The following AKR1C2 variants were observed in gnomAD, a reference collection of about 807,000 sequenced individuals.
AKR1C2 encodes the protein 3-alpha-HSD3.
Under a neutral mutation model 39.8 loss-of-function variants are expected in AKR1C2, and 27 were observed. The observed-to-expected ratio is 0.68, with a 90% CI of 0.50 to 0.93. The LOEUF (loss-of-function observed/expected upper bound fraction) is 0.93. Among genes scored for constraint, AKR1C2 ranks in the 40% least tolerant of loss-of-function variants. The probability of loss-of-function intolerance (pLI) is 0.00; values close to 1 mark genes in which losing one functional copy is unlikely to be tolerated. For missense variants in AKR1C2, 263 were observed against 365.1 expected (o/e 0.72, Z 2.28); for synonymous variants, 114 against 137.9 (o/e 0.83, Z 1.22).
intron 5 of AKR1C2, among the ~76,000 whole-genome samples, chr10:4,997,563 T>C (rs1837101744): frequency 6.6e-6 from 1 of 152,000 alleles, no homozygotes; most frequent in South Asian, 2.1e-4. Flanking sequence ...CCATATAACA[T>C]TGCAAAATGT....
At chr10:5,016,610 A>T (rs1837644765) in intron 1 of AKR1C2, among the ~76,000 whole-genome samples, 1 of 152,208 alleles carries the variant, frequency 6.6e-6, no homozygotes, top group South Asian at 2.1e-4. Context: ...GAGTGTCTGC[A>T]GCTTTTCCAG....
chr10:5,010,494 T>G (rs1409155246), intron 1 of AKR1C2: 1 of 152,058 alleles, frequency 6.6e-6, no homozygotes, highest in African/African-American at 2.4e-5. Flanking sequence ...CTGCAGCAAT[T>G]TGAGAACTCC....
At chr10:5,011,939 G>T (rs182635707) in intron 1 of AKR1C2, among the ~76,000 whole-genome samples, 2 of 152,184 alleles carry the variant, frequency 1.3e-5, no homozygotes, top group African/African-American at 4.8e-5. Flanking sequence ...GGAAGTAGTT[G>T]CCTGAAGTAT....
intron 5 of AKR1C2, among the ~76,000 whole-genome samples, chr10:4,997,906 A>AG (rs1554773294): frequency 6.6e-6 from 1 of 152,334 alleles, no homozygotes; most frequent in East Asian, 1.9e-4. Context: ...AGGCTATGAA[A>AG]GAACCATGCA....
intron 1 of AKR1C2, chr10:5,010,520 A>C (rs1360037657): frequency 6.6e-6 from 1 of 152,130 alleles, no homozygotes; most frequent in Non-Finnish European, 1.5e-5. Context: ...CAACAGGACA[A>C]GAGCCACTTG....
At chr10:5,000,816 C>T (rs1347453803) in intron 2 of AKR1C2, 150 bp from the exon 3 acceptor site, 5 of 670,074 alleles carry the variant, frequency 7.5e-6, no homozygotes, top group Admixed American at 5.5e-5. Flanking sequence ...GCCTTTTGTT[C>T]TGCCATATCA....
chr10:4,993,752 AATAC>A (rs1836920831), intron 7 of AKR1C2, among the ~76,000 whole-genome samples: 2 of 151,744 alleles, frequency 1.3e-5, no homozygotes, highest in Admixed American at 1.3e-4. Flanking sequence ...ATCCAGAATA[AATAC>A]ATATATATGT....
At chr10:5,015,303 T>G (rs1429982802) in intron 1 of AKR1C2, 3 of 152,364 alleles carry the variant, frequency 2.0e-5, no homozygotes, top group African/African-American at 7.2e-5. Context: ...CTTTTCTACA[T>G]TTTTATAGAG....
chr10:4,993,952 A>G (rs149711307), intron 7 of AKR1C2, among the ~76,000 whole-genome samples: 96 of 151,888 alleles, frequency 6.3e-4, no homozygotes, highest in Admixed American at 3.7e-3. Context: ...TTTTTAAAAT[A>G]ATTTAATGAA....
In AKR1C2 at chr10:4,998,615, G is replaced by A. The variant is rs371913878; in HGVS notation, c.570+10C>T. The A allele has an allele frequency of 1.9e-6, 3 of 1,613,814 alleles. No individual in the cohort carries two copies. The highest frequency in any genetic ancestry group is 1.3e-5 in the African/African-American group (1 of 74,898). On this transcript the variant is annotated intron_variant, in intron 5 of 8. Transcript: ENST00000380753. The stretch of plus-strand genomic sequence containing the variant: ...AAGAACAGAAAGGAGAGGAGGCTGA[G>A]GGCGCTCACCTGGTTGCAGACAGGC...
intron 1 of AKR1C2, among the ~76,000 whole-genome samples, chr10:5,013,116 A>G (rs1217437917): frequency 6.6e-6 from 1 of 152,190 alleles, no homozygotes; most frequent in Non-Finnish European, 1.5e-5. Context: ...TGGGTAACAA[A>G]ATAATTTGTA....
intron 1 of AKR1C2, among the ~76,000 whole-genome samples, chr10:5,011,809 T>G (rs1393011378): frequency 6.6e-6 from 1 of 152,170 alleles, no homozygotes; most frequent in African/African-American, 2.4e-5. Flanking sequence ...AACAAGAACT[T>G]GATGAACTGA....
At chr10:5,007,573 G>T (rs1554774551), upstream of AKR1C2, 1 of 149,284 alleles carries the variant, frequency 6.7e-6, no homozygotes, top group Admixed American at 6.7e-5. Flanking sequence ...TTTTAGCAAA[G>T]AATCATAGAA....
At position 4,995,150 on chromosome 10, in the gene AKR1C2, C is replaced by T. The variant is rs189502671; in HGVS notation, c.846+169G>A. Among the ~76,000 whole-genome samples, 293 of 118,908 alleles carry T rather than the reference C, an allele frequency of 2.5e-3. 1 individual carries two copies. The highest frequency in any genetic ancestry group is 9.9e-3 in the African/African-American group (280 of 28,240). 78.0% of individuals were successfully genotyped at this position (118,908 alleles called of 152,430 possible). A position where few individuals can be genotyped will look rare whatever the true frequency, so the allele number is the denominator to read the frequency against. ...ATCCTATTACTCTCCACCTCTGTTG[C>T]CTCTCCTGTGCTAGAGTAGAAGAAA... On this transcript the variant is annotated intron_variant, in intron 7 of 8. Transcript: ENST00000380753.
At chr10:5,000,352 T>C in intron 3 of AKR1C2, 198 bp downstream of exon 3, 1 of 1,541,608 alleles carries the variant, frequency 6.5e-7, no homozygotes, top group Non-Finnish European at 8.7e-7. Flanking sequence ...TCTTTTCTTG[T>C]AGACATGCAA....
chr10:4,998,811 A>G (rs1564330537), intron 4 of AKR1C2, 64 bp from the exon 5 acceptor site: 1 of 1,602,330 alleles, frequency 6.2e-7, no homozygotes, highest in Non-Finnish European at 8.5e-7. Flanking sequence ...TAAATGTAAC[A>G]TAGAACTGTG....
chr10:4,990,579 C>A (rs1836805998), intron 8 of AKR1C2, among the ~76,000 whole-genome samples: 1 of 151,646 alleles, frequency 6.6e-6, no homozygotes, highest in Non-Finnish European at 1.5e-5. Context: ...GTTATAGGGC[C>A]CAATATTCAA....
At chr10:5,002,389 T>C (rs1189325656) in intron 1 of AKR1C2, among the ~76,000 whole-genome samples, 2 of 152,222 alleles carry the variant, frequency 1.3e-5, no homozygotes, top group Non-Finnish European at 2.9e-5. Context: ...AATAGGCACA[T>C]CTATGGATAG....
At chr10:5,017,039 G>A (rs782354613) in intron 1 of AKR1C2, among the ~76,000 whole-genome samples, 1 of 152,232 alleles carries the variant, frequency 6.6e-6, no homozygotes. Flanking sequence ...TCACAGAGCA[G>A]TAGGACCCTG....
Sources: allele counts gnomAD v4.1 joint callset (sites outside exome capture counted in the v4.1 genomes callset), GRCh38; gene constraint gnomAD v4.1.1; transcripts MANE v1.5; gene names NCBI Gene and HGNC (gene_info 2026-07-23, HGNC 2026-07-21).